NMNAT2: variants seen among roughly 807,000 people sequenced by gnomAD.
NMNAT2 encodes the protein nicotinamide nucleotide adenylyltransferase 2.
NMNAT2 carries 11 observed loss-of-function variants against 41.6 expected under a neutral mutation model. That is an observed-to-expected ratio of 0.26 (90% CI 0.17 to 0.44). NMNAT2 has a LOEUF of 0.44. Among genes scored for constraint, NMNAT2 ranks in the 20% least tolerant of loss-of-function variants. The probability of loss-of-function intolerance (pLI) is 1.00; values close to 1 mark genes in which losing one functional copy is unlikely to be tolerated. For synonymous variants in NMNAT2, 148 were observed against 151.2 expected (o/e 0.98, Z 0.16); for missense variants, 288 against 407.7 (o/e 0.71, Z 2.53).
intron 1 of NMNAT2, among the ~76,000 whole-genome samples, chr1:183,404,194 G>T (rs1341301197): frequency 6.6e-6 from 1 of 151,054 alleles, no homozygotes; most frequent in Non-Finnish European, 1.5e-5. Context: ...TGCCTCCCAG[G>T]TTCAAGCGAT....
intron 1 of NMNAT2, among the ~76,000 whole-genome samples, chr1:183,372,570 C>G (rs1456444299): frequency 6.6e-6 from 1 of 152,186 alleles, no homozygotes; most frequent in Admixed American, 6.5e-5. Context: ...TAATAGATCC[C>G]AATGTTCAAT....
At chr1:183,388,765 A>G (rs1490671703) in intron 1 of NMNAT2, among the ~76,000 whole-genome samples, 1 of 152,232 alleles carries the variant, frequency 6.6e-6, no homozygotes, top group African/African-American at 2.4e-5. Context: ...TATAAACTAC[A>G]TAAAGGCAGA....
intron 1 of NMNAT2, among the ~76,000 whole-genome samples, chr1:183,369,274 T>TTA (rs1371167656): frequency 1.6e-4 from 19 of 118,930 alleles, no homozygotes; most frequent in African/African-American, 4.9e-4. Context: ...TTTTTTTTTT[T>TTA]TTATTATTTA....
intron 8 of NMNAT2, among the ~76,000 whole-genome samples, chr1:183,274,069 C>T (rs1002461167): frequency 6.6e-6 from 1 of 151,896 alleles, no homozygotes; most frequent in African/African-American, 2.4e-5. Flanking sequence ...TGCACCACCA[C>T]GCCTGGGTGA....
intron 1 of NMNAT2, among the ~76,000 whole-genome samples, chr1:183,393,835 C>T (rs888900209): frequency 5.9e-5 from 9 of 152,136 alleles, no homozygotes; most frequent in African/African-American, 1.9e-4. Context: ...GGATTACATG[C>T]GTGAGCCACT....
At chr1:183,347,403 T>A (rs889540602) in intron 1 of NMNAT2, among the ~76,000 whole-genome samples, 6 of 152,064 alleles carry the variant, frequency 3.9e-5, no homozygotes, top group African/African-American at 1.4e-4. Flanking sequence ...CTGCAGTAAG[T>A]CATGATCGTA....
chr1:183,332,055 T>C (rs555044999), intron 1 of NMNAT2, among the ~76,000 whole-genome samples: 74 of 152,354 alleles, frequency 4.9e-4, no homozygotes. Context: ...AGTGCTGGGA[T>C]TACAGGCATG....
intron 1 of NMNAT2, among the ~76,000 whole-genome samples, chr1:183,315,081 A>G (rs1052844574): frequency 5.3e-5 from 8 of 152,220 alleles, no homozygotes; most frequent in African/African-American, 1.9e-4. Context: ...TTAACACCCC[A>G]TCTTAATATT....
intron 1 of NMNAT2, among the ~76,000 whole-genome samples, chr1:183,379,805 G>A (rs1663763129): frequency 6.6e-6 from 1 of 152,112 alleles, no homozygotes; most frequent in African/African-American, 2.4e-5. Context: ...CTCTCAAATA[G>A]CAACAAAAGA....
intron 1 of NMNAT2, among the ~76,000 whole-genome samples, chr1:183,364,846 C>A (rs896094910): frequency 3.3e-5 from 5 of 152,088 alleles, no homozygotes; most frequent in Admixed American, 2.6e-4. Flanking sequence ...TGCCCACCAC[C>A]ACATCCGGCT....
At chr1:183,323,848 C>T (rs918865648) in intron 1 of NMNAT2, among the ~76,000 whole-genome samples, 7 of 152,164 alleles carry the variant, frequency 4.6e-5, no homozygotes, top group African/African-American at 1.7e-4. Flanking sequence ...TGGCCTCTCT[C>T]CTACGAGATT....
chr1:183,290,099 C>T (rs1227883564), intron 4 of NMNAT2, 29 bp downstream of exon 4: 1 of 1,542,468 alleles, frequency 6.5e-7, no homozygotes, highest in Non-Finnish European at 8.8e-7. Flanking sequence ...TCTGGTGGTT[C>T]ACGCATCCCC....
chr1:183,404,933 A>G (rs1341942598), intron 1 of NMNAT2, among the ~76,000 whole-genome samples: 8 of 152,156 alleles, frequency 5.3e-5, no homozygotes, highest in African/African-American at 1.7e-4. Flanking sequence ...AACTAAAAGG[A>G]TCTCAGGCCG....
intron 2 of NMNAT2, among the ~76,000 whole-genome samples, 169 bp downstream of exon 2, chr1:183,293,536 C>T (rs1033380537): frequency 1.3e-5 from 2 of 152,206 alleles, no homozygotes; most frequent in Admixed American, 6.5e-5. Flanking sequence ...CACTCAGGTC[C>T]GACTGTGGTC....
At chr1:183,281,598 C>CA (rs1661271881) in intron 7 of NMNAT2, among the ~76,000 whole-genome samples, 1 of 152,220 alleles carries the variant, frequency 6.6e-6, no homozygotes, top group Non-Finnish European at 1.5e-5. Context: ...CCAGTGCAAA[C>CA]ATTTAAGTCA....
chr1:183,380,775 G>T (rs1263164858), intron 1 of NMNAT2, among the ~76,000 whole-genome samples: 1 of 152,230 alleles, frequency 6.6e-6, no homozygotes, highest in East Asian at 1.9e-4. Context: ...GGTAGGCACT[G>T]TTTCAGTTCG....
intron 1 of NMNAT2, among the ~76,000 whole-genome samples, chr1:183,374,787 G>C (rs192745834): frequency 5.9e-5 from 9 of 152,226 alleles, no homozygotes; most frequent in Admixed American, 5.2e-4. Context: ...TCAAGCTTAG[G>C]AGTTTCAGAG....
At chr1:183,270,532 A>G (rs1385687998) in intron 8 of NMNAT2, among the ~76,000 whole-genome samples, 1 of 138,672 alleles carries the variant, frequency 7.2e-6, no homozygotes, top group African/African-American at 2.5e-5. Flanking sequence ...CCTCTTAATG[A>G]AAAAAAAAAA....
chr1:183,300,381 G>A lies in NMNAT2; in HGVS notation c.86-6588C>T, dbSNP rs533121937. Reference sequence around the variant, plus strand: ...TGCACCACTGTACTCCAGCCTGGGTGACAGAGCCAGACTCTGAGACTCCAT... The same window carrying A: ...TGCACCACTGTACTCCAGCCTGGGTAACAGAGCCAGACTCTGAGACTCCAT... On this transcript the variant is annotated intron_variant, in intron 1 of 10. Coordinates refer to ENST00000287713, the MANE Select transcript of NMNAT2 (RefSeq NM_015039.4). Among the ~76,000 whole-genome samples, 25 of 149,332 alleles carry A rather than the reference G, an allele frequency of 1.7e-4. 1 individual carries two copies. The South Asian group carries it at 5.3e-3, about 32-fold the overall frequency.
Sources: gnomAD v4.1 joint callset for allele counts (sites outside exome capture counted in the v4.1 genomes callset) on GRCh38, gnomAD v4.1.1 for gene constraint, MANE v1.5 for transcripts, NCBI Gene and HGNC (gene_info 2026-07-23, HGNC 2026-07-21) for gene names.